Variants in LRRC1 observed in about 807,000 individuals in gnomAD.
LRRC1 encodes the protein leucine-rich repeat-containing protein 1.
Under a neutral mutation model 69.9 loss-of-function variants are expected in LRRC1, and 28 were observed. The observed-to-expected ratio is 0.40, with a 90% CI of 0.30 to 0.55. LRRC1 has a LOEUF of 0.55. Ranked by LOEUF, LRRC1 falls within the 20% of genes least tolerant of loss-of-function variation. The pLI, the probability that LRRC1 is intolerant of heterozygous loss-of-function variation, is 0.47. For synonymous variants in LRRC1, 236 were observed against 240.2 expected, an observed-to-expected ratio of 0.98 and a Z score of 0.16; for missense variants, 498 against 609.0, an observed-to-expected ratio of 0.82 and a Z score of 1.92.
At chr6:53,809,073 C>G (rs1764716384) in intron 1 of LRRC1, among the ~76,000 whole-genome samples, 1 of 152,184 alleles carries the variant, frequency 6.6e-6, no homozygotes, top group South Asian at 2.1e-4. Context: ...CAGTAGGAAG[C>G]TCTCTGAACA....
Position 53,797,939 on chromosome 6 carries a change from A to G in LRRC1, c.159+2524A>G, listed in dbSNP as rs189844986. The stretch of plus-strand genomic sequence containing the variant: ...GCAGGAATCTTCTATCCTGCTTCTC[A>G]CACCCATCAAATCTTTATTTAGTCT... On this transcript the variant is annotated intron_variant, in intron 1 of 13. Transcript: ENST00000370888. Among the ~76,000 whole-genome samples, 10 of 152,292 alleles carry G rather than the reference A, an allele frequency of 6.6e-5. No homozygotes were observed. In the East Asian group the frequency reaches 1.9e-3, roughly 29 times the overall value.
At chr6:53,879,179 A>G in intron 3 of LRRC1, 108 bp downstream of exon 3, 1 of 682,148 alleles carries the variant, frequency 1.5e-6, no homozygotes, top group Non-Finnish European at 2.6e-6. Flanking sequence ...TAGATGGATC[A>G]CTGTCTTTAT....
chr6:53,917,676 G>A (rs959535145), intron 11 of LRRC1, among the ~76,000 whole-genome samples: 1 of 152,132 alleles, frequency 6.6e-6, no homozygotes, highest in Non-Finnish European at 1.5e-5. Flanking sequence ...AGTAAGACAG[G>A]TAGAGATGTT....
At chr6:53,869,394 A>G (rs1052464998) in intron 2 of LRRC1, among the ~76,000 whole-genome samples, 2 of 152,080 alleles carry the variant, frequency 1.3e-5, no homozygotes, top group African/African-American at 4.8e-5. Context: ...TTTTCTTCAT[A>G]CATTTAGTTT....
At chr6:53,863,667 C>A (rs186055771) in intron 2 of LRRC1, among the ~76,000 whole-genome samples, 69 of 152,284 alleles carry the variant, frequency 4.5e-4, no homozygotes, top group African/African-American at 1.5e-3. Flanking sequence ...AAGCTATTCA[C>A]CCTTTTTCTC....
chr6:53,807,222 G>A (rs902709543), intron 1 of LRRC1, among the ~76,000 whole-genome samples: 5 of 152,134 alleles, frequency 3.3e-5, no homozygotes, highest in Non-Finnish European at 7.3e-5. Context: ...AGACATCTTG[G>A]TTCAGGAATG....
At chr6:53,896,924 T>G (rs1165653673) in intron 6 of LRRC1, 32 bp downstream of exon 6, 2 of 1,378,658 alleles carry the variant, frequency 1.5e-6, no homozygotes, top group African/African-American at 2.9e-5. Context: ...GAATTTAACT[T>G]TGTTTTTAGT....
At chr6:53,822,676 G>C (rs1765148875) in intron 1 of LRRC1, among the ~76,000 whole-genome samples, 2 of 152,304 alleles carry the variant, frequency 1.3e-5, no homozygotes, top group Middle Eastern at 6.8e-3. Context: ...CACCTCATCT[G>C]TCACTGGCAA....
chr6:53,813,706 G>T (rs1192034486), intron 1 of LRRC1, among the ~76,000 whole-genome samples: 1 of 152,114 alleles, frequency 6.6e-6, no homozygotes, highest in Admixed American at 6.6e-5. Flanking sequence ...CTGCCTGTTT[G>T]CACCCTCTGA....
At chr6:53,904,322 C>G in intron 9 of LRRC1, 57 bp from the exon 10 acceptor site, 1 of 1,037,100 alleles carries the variant, frequency 9.6e-7, no homozygotes, top group Non-Finnish European at 1.5e-6. Context: ...ATCTTATTTA[C>G]TGTGAGCCAT....
intron 1 of LRRC1, among the ~76,000 whole-genome samples, chr6:53,818,078 A>G (rs1392049982): frequency 6.6e-6 from 1 of 152,218 alleles, no homozygotes; most frequent in Non-Finnish European, 1.5e-5. Context: ...TTTTCTTTAC[A>G]TCCCTTTTCC....
rs867854669 is a variant in LRRC1, at chr6:53,900,040, T to G, written c.787+149T>G. 1.5e-4 allele frequency: 105 copies of G among 694,028 alleles called. 1 individual carries two copies. The highest frequency in any genetic ancestry group is 7.8e-4 in the South Asian group (33 of 42,210). The allele number at this position is 694,028 out of a possible 1,614,324, so 43.0% of individuals were successfully genotyped here. A position where few individuals can be genotyped will look rare whatever the true frequency, so the allele number is the denominator to read the frequency against. On this transcript the variant is annotated intron_variant, in intron 8 of 13. Coordinates refer to ENST00000370888, the MANE Select transcript of LRRC1 (RefSeq NM_018214.5). ...TTACTGTTTTTTTTTTTTTTTTTTT[T>G]TTTTTTTTTTTTTCTGAGATGGAGT... is the stretch of plus-strand genomic sequence containing the variant.
At chr6:53,849,075 T>TG (rs1766042179) in intron 2 of LRRC1, among the ~76,000 whole-genome samples, 1 of 151,440 alleles carries the variant, frequency 6.6e-6, no homozygotes, top group African/African-American at 2.4e-5. Flanking sequence ...TTTTTTTTTT[T>TG]TTTTTAGTTA....
At position 53,795,759 on chromosome 6, in the gene LRRC1, T is replaced by G. The variant is rs4645422; in HGVS notation, c.159+344T>G. ...GAGAAGCCGGGTGATTCGGGCTGTT[T>G]CCATCTGGAAGCTACAGAGCACTGC... On this transcript the variant is annotated intron_variant, in intron 1 of 13. Coordinates refer to ENST00000370888, the MANE Select transcript of LRRC1 (RefSeq NM_018214.5). Among the ~76,000 whole-genome samples, 100 of 152,104 alleles carry G rather than the reference T, an allele frequency of 6.6e-4. 2 individuals carry two copies. The highest frequency in any genetic ancestry group is 2.2e-3 in the African/African-American group (91 of 41,480).
intron 10 of LRRC1, among the ~76,000 whole-genome samples, chr6:53,909,811 A>T (rs898118500): frequency 1.3e-5 from 2 of 152,288 alleles, no homozygotes; most frequent in Non-Finnish European, 2.9e-5. Context: ...GATTTTACTT[A>T]TTGTACACTT....
chr6:53,901,928 G>A (rs1224459608), intron 8 of LRRC1, among the ~76,000 whole-genome samples: 6 of 152,212 alleles, frequency 3.9e-5, no homozygotes, highest in East Asian at 1.9e-4. Context: ...GTTTTCTGAT[G>A]TAGTGGGGAA....
At chr6:53,800,247 C>CTTTTTTT (rs55960000) in intron 1 of LRRC1, among the ~76,000 whole-genome samples, 114 of 89,554 alleles carry the variant, frequency 1.3e-3, no homozygotes, top group Middle Eastern at 7.0e-3. Flanking sequence ...GTTTCTTTTT[C>CTTTTTTT]TTTTTTTTTT....
Position 53,919,651 on chromosome 6 carries a change from T to TG in LRRC1, c.1260_1261insG (p.Ser421ValfsTer2). 1 of 1,611,640 alleles carries TG rather than the reference T, an allele frequency of 6.2e-7. No individual in the cohort carries two copies. Among genetic ancestry groups the TG allele is most frequent in the Non-Finnish European group, 8.5e-7 (1 of 1,179,430 alleles). On this transcript the variant is annotated frameshift_variant, in exon 12 of 14. Transcript: ENST00000370888. LOFTEE classifies it high-confidence loss of function. ...CCTGTGTCTTACTTCCTCAGCTGCC[T>TG]TCTGAACCTACTTGTCAAGGTGAAT...
chr6:53,798,742 T>C (rs1049603641), intron 1 of LRRC1, among the ~76,000 whole-genome samples: 11 of 152,338 alleles, frequency 7.2e-5, no homozygotes, highest in African/African-American at 2.2e-4. Flanking sequence ...CAATAAACAG[T>C]TATTTATCTG....
Sources: allele counts gnomAD v4.1 joint callset (sites outside exome capture counted in the v4.1 genomes callset), GRCh38; gene constraint gnomAD v4.1.1; transcripts MANE v1.5; gene names NCBI Gene and HGNC (gene_info 2026-07-23, HGNC 2026-07-21).